Variants in GALNT13 observed in about 807,000 individuals in gnomAD.
The protein encoded by GALNT13 is UDP-GalNAc:polypeptide N-acetylgalactosaminyltransferase 13.
GALNT13 carries 28 observed loss-of-function variants against 64.2 expected under a neutral mutation model. The ratio of observed to expected loss-of-function variants is 0.44; its 90% CI spans 0.32 to 0.60. GALNT13 has a LOEUF of 0.60. GALNT13 is among the 20% of genes least tolerant of loss of function. The pLI is 0.05. For synonymous variants in GALNT13, 214 were observed against 224.6 expected (o/e 0.95, Z 0.42); for missense variants, 577 against 669.8 (o/e 0.86, Z 1.53).
chr2:154,198,200 C>T (rs546524143), intron 4 of GALNT13, among the ~76,000 whole-genome samples: 1 of 152,056 alleles, frequency 6.6e-6, no homozygotes, highest in East Asian at 1.9e-4. Flanking sequence ...AGATACAATG[C>T]ATAGAAAAAA....
intron 1 of GALNT13, among the ~76,000 whole-genome samples, chr2:153,882,885 A>G (rs1686877540): frequency 6.6e-6 from 1 of 151,462 alleles, no homozygotes; most frequent in African/African-American, 2.4e-5. Context: ...GCAATCAAGG[A>G]TCACAGACAT....
At chr2:154,454,838 C>A (rs1279129545), downstream of GALNT13, among the ~76,000 whole-genome samples, 2 of 152,126 alleles carry the variant, frequency 1.3e-5, no homozygotes, top group Non-Finnish European at 2.9e-5. Flanking sequence ...GAAGCAAAGC[C>A]TTTTCAGTAG....
At chr2:153,209,849 A>C in the GALNT13 span, among the ~76,000 whole-genome samples, 1 of 152,142 alleles carries the variant, frequency 6.6e-6, no homozygotes, top group Non-Finnish European at 1.5e-5. Context: ...ATCCCTCAAC[A>C]GTGTCTTGTA....
At chr2:153,279,394 A>G in the GALNT13 span, among the ~76,000 whole-genome samples, 1 of 152,000 alleles carries the variant, frequency 6.6e-6, no homozygotes, top group Non-Finnish European at 1.5e-5. Context: ...GTCCTGTACT[A>G]TATTGAATAA....
chr2:153,310,041 C>G, the GALNT13 span, among the ~76,000 whole-genome samples: 1 of 152,112 alleles, frequency 6.6e-6, no homozygotes, highest in Admixed American at 6.5e-5. Flanking sequence ...TGCAGCAAAT[C>G]TAATACGTCC....
chr2:154,403,086 G>C (rs565216573), intron 10 of GALNT13, among the ~76,000 whole-genome samples: 1 of 152,234 alleles, frequency 6.6e-6, no homozygotes, highest in East Asian at 1.9e-4. Context: ...AACAATTTAT[G>C]TGCTTCTATC....
At chr2:153,932,506 C>G (rs2218449) in intron 2 of GALNT13, among the ~76,000 whole-genome samples, 2 of 151,486 alleles carry the variant, frequency 1.3e-5, no homozygotes, top group African/African-American at 2.4e-5. Flanking sequence ...CAAAGAATTT[C>G]TTGATTTCTA....
chr2:154,384,103 T>C (rs1446382939), intron 9 of GALNT13, among the ~76,000 whole-genome samples: 1 of 151,984 alleles, frequency 6.6e-6, no homozygotes, highest in Admixed American at 6.6e-5. Flanking sequence ...TGATTAAAAC[T>C]TGTTAATGGA....
upstream of GALNT13, among the ~76,000 whole-genome samples, chr2:153,870,963 A>G (rs1321391853): frequency 6.6e-6 from 1 of 152,112 alleles, no homozygotes; most frequent in Non-Finnish European, 1.5e-5. Context: ...CCAAGCAGGC[A>G]CTTGAACTCG....
the GALNT13 span, among the ~76,000 whole-genome samples, chr2:153,500,042 A>C: frequency 1.3e-5 from 2 of 152,146 alleles, no homozygotes; most frequent in African/African-American, 4.8e-5. Flanking sequence ...TGGCATCCCC[A>C]CAGGTGGCTG....
chr2:153,641,220 C>G, the GALNT13 span, among the ~76,000 whole-genome samples: 1 of 152,138 alleles, frequency 6.6e-6, no homozygotes, highest in Non-Finnish European at 1.5e-5. Flanking sequence ...AAGGTCTACT[C>G]TAATGTAAGC....
intron 3 of GALNT13, among the ~76,000 whole-genome samples, chr2:154,068,284 T>C (rs1368111401): frequency 1.3e-5 from 2 of 151,872 alleles, no homozygotes; most frequent in Admixed American, 1.3e-4. Context: ...TTAATACAAG[T>C]ACTATGGAGA....
chr2:153,852,952 C>T, the GALNT13 span, among the ~76,000 whole-genome samples: 5 of 151,992 alleles, frequency 3.3e-5, no homozygotes, highest in African/African-American at 1.2e-4. Flanking sequence ...CACAATAGGC[C>T]ATCTGCAAGC....
chr2:153,345,661 TTC>T, the GALNT13 span, among the ~76,000 whole-genome samples: 3 of 141,286 alleles, frequency 2.1e-5, no homozygotes, highest in East Asian at 2.1e-4. Context: ...CTTTCTTTCT[TTC>T]TTTCTTTCTT....
the GALNT13 span, among the ~76,000 whole-genome samples, chr2:153,434,208 T>G: frequency 6.6e-6 from 1 of 152,204 alleles, no homozygotes; most frequent in Non-Finnish European, 1.5e-5. Flanking sequence ...ATGTGCCACA[T>G]TTTCTTAATC....
intron 3 of GALNT13, 124 bp downstream of exon 3, chr2:153,944,763 C>T (rs577080544): frequency 1.8e-4 from 127 of 717,420 alleles, no homozygotes; most frequent in Non-Finnish European, 2.6e-4. Context: ...TTTGGCAGCA[C>T]TATTAATGCA....
the GALNT13 span, among the ~76,000 whole-genome samples, chr2:153,585,759 G>T: frequency 6.6e-6 from 1 of 151,800 alleles, no homozygotes; most frequent in Admixed American, 6.6e-5. Context: ...CAGACTAGAA[G>T]AGTAAGGGAG....
intron 9 of GALNT13, among the ~76,000 whole-genome samples, chr2:154,340,929 C>T (rs933987342): frequency 8.6e-5 from 13 of 151,742 alleles, no homozygotes; most frequent in South Asian, 2.1e-4. Context: ...TGTGCCAGTG[C>T]GCTGCGCACG....
chr2:153,642,142 T>C, the GALNT13 span, among the ~76,000 whole-genome samples: 627 of 152,094 alleles, frequency 4.1e-3, 2 homozygotes, highest in Middle Eastern at 0.037. Flanking sequence ...CCCTCACTCA[T>C]TGTCAACTCA....
Sources: allele counts gnomAD v4.1 joint callset (sites outside exome capture counted in the v4.1 genomes callset), GRCh38; gene constraint gnomAD v4.1.1; transcripts MANE v1.5; gene names NCBI Gene and HGNC (gene_info 2026-07-23, HGNC 2026-07-21).